Variants in ADAMTSL1 observed in about 807,000 individuals in gnomAD.
ADAMTSL1 encodes ADAMTS like 1.
ADAMTSL1 carries 126 observed loss-of-function variants against 201.8 expected under a neutral mutation model. The observed-to-expected ratio is 0.62, with a 90% CI of 0.54 to 0.72. The LOEUF is 0.72. Among genes scored for constraint, ADAMTSL1 ranks in the 30% least tolerant of loss-of-function variants. The probability of loss-of-function intolerance (pLI) is 0.00; values close to 1 mark genes in which losing one functional copy is unlikely to be tolerated. For synonymous variants in ADAMTSL1, 1,121 were observed against 903.4 expected, an observed-to-expected ratio of 1.24 and a Z score of -4.32; for missense variants, 2,679 against 2,277.8, an observed-to-expected ratio of 1.18 and a Z score of -3.59.
chr9:18,483,687 C>G (rs975762444), intron 1 of ADAMTSL1, among the ~76,000 whole-genome samples: 1 of 152,042 alleles, frequency 6.6e-6, no homozygotes, highest in African/African-American at 2.4e-5. Context: ...ATTACCCGGG[C>G]ATGGTGGCGG....
chr9:18,325,473 A>AG (rs891546908), intron 2 of ADAMTSL1, among the ~76,000 whole-genome samples: 2 of 152,224 alleles, frequency 1.3e-5, no homozygotes, highest in African/African-American at 4.8e-5. Flanking sequence ...TGTTGAGTGA[A>AG]AGAAGTCAGA....
chr9:18,653,278 T>A (rs2132938967), intron 7 of ADAMTSL1, among the ~76,000 whole-genome samples: 1 of 152,308 alleles, frequency 6.6e-6, no homozygotes, highest in South Asian at 2.1e-4. Context: ...GCTCTGGTCA[T>A]TGGTTTCCTG....
At position 18,333,322 on chromosome 9, in the gene ADAMTSL1, G is replaced by A. The variant is rs563993865; in HGVS notation, c.207+169341G>A. On this transcript the variant is annotated intron_variant, in intron 2 of 29. Coordinates refer to the ADAMTSL1 transcript ENST00000680146. ...CCCCATGCTGTTCTCATGATAGTGA[G>A]TTCTCAAGGTATCTGATGGTGTCAT... is the stretch of plus-strand genomic sequence containing the variant. 3.9e-5 allele frequency among the ~76,000 whole-genome samples: 6 copies of A among 152,208 alleles called. No homozygotes were observed. The South Asian group carries it at 1.2e-3, about 32-fold the overall frequency.
At chr9:17,914,025 A>T (rs1251299322) in intron 1 of ADAMTSL1, among the ~76,000 whole-genome samples, 2 of 152,228 alleles carry the variant, frequency 1.3e-5, no homozygotes, top group African/African-American at 4.8e-5. Context: ...TGTGGCAATA[A>T]TCAATAGCTT....
intron 4 of ADAMTSL1, among the ~76,000 whole-genome samples, chr9:18,590,951 T>C (rs767938719): frequency 2.0e-5 from 3 of 152,184 alleles, no homozygotes; most frequent in Non-Finnish European, 4.4e-5. Flanking sequence ...TCCTAATATA[T>C]GGCTTATTCT....
At chr9:18,612,205 C>T (rs1825421795) in intron 4 of ADAMTSL1, among the ~76,000 whole-genome samples, 1 of 152,186 alleles carries the variant, frequency 6.6e-6, no homozygotes, top group Non-Finnish European at 1.5e-5. Context: ...AGAGACATAG[C>T]AGGCAAGGTG....
intron 1 of ADAMTSL1, among the ~76,000 whole-genome samples, chr9:18,147,379 T>A (rs1012255927): frequency 2.0e-5 from 3 of 151,994 alleles, no homozygotes; most frequent in Non-Finnish European, 4.4e-5. Context: ...AAGAAAGACG[T>A]TGGTAGGTGG....
chr9:17,929,222 G>C (rs1485283556), intron 1 of ADAMTSL1, among the ~76,000 whole-genome samples: 1 of 151,992 alleles, frequency 6.6e-6, no homozygotes, highest in Non-Finnish European at 1.5e-5. Flanking sequence ...CTGCTTAAAG[G>C]CTTCAGTGAT....
At chr9:18,230,419 A>G (rs1305592425) in intron 2 of ADAMTSL1, among the ~76,000 whole-genome samples, 2 of 152,288 alleles carry the variant, frequency 1.3e-5, no homozygotes, top group South Asian at 2.1e-4. Flanking sequence ...TGGGCTGAAG[A>G]GCAATGTGAG....
chr9:18,112,674 G>A (rs919538917), intron 1 of ADAMTSL1, among the ~76,000 whole-genome samples: 1 of 152,100 alleles, frequency 6.6e-6, no homozygotes, highest in Middle Eastern at 3.2e-3. Flanking sequence ...TGCATACATA[G>A]TAGTAGGAGA....
At chr9:18,151,873 T>TC (rs1563770330) in intron 1 of ADAMTSL1, among the ~76,000 whole-genome samples, 3 of 152,038 alleles carry the variant, frequency 2.0e-5, no homozygotes, top group African/African-American at 7.2e-5. Flanking sequence ...ATGTCCCATA[T>TC]CCCCTTGCCA....
intron 4 of ADAMTSL1, among the ~76,000 whole-genome samples, chr9:18,608,522 GC>G (rs1825171654): frequency 6.6e-6 from 1 of 152,098 alleles, no homozygotes; most frequent in Non-Finnish European, 1.5e-5. Flanking sequence ...TCATCTCAGC[GC>G]CTTTGAGTGA....
intron 3 of ADAMTSL1, 43 bp downstream of exon 3, chr9:18,533,335 G>C (rs1159851477): frequency 6.4e-7 from 1 of 1,557,660 alleles, no homozygotes; most frequent in Admixed American, 1.8e-5. Flanking sequence ...ATTTTTGTTA[G>C]CACTGAATGG....
Position 18,031,089 on chromosome 9 carries a change from G to A in ADAMTSL1, c.87+124167G>A, listed in dbSNP as rs1219872378. On this transcript the variant is annotated intron_variant, in intron 1 of 29. Transcript: ENST00000680146. Reference sequence around the variant, plus strand: ...TTGTTTTACTTGTTTCCTTGGATTAGATTTCATTTTTTTCTTGAATTTTGT... The same window carrying A: ...TTGTTTTACTTGTTTCCTTGGATTAAATTTCATTTTTTTCTTGAATTTTGT... Among the ~76,000 whole-genome samples, 5 of 152,192 alleles carry A rather than the reference G, an allele frequency of 3.3e-5. No homozygotes were observed. The South Asian group carries it at 1.0e-3, about 32-fold the overall frequency.
chr9:18,067,137 T>TA (rs572403939), intron 1 of ADAMTSL1, among the ~76,000 whole-genome samples: 111 of 151,480 alleles, frequency 7.3e-4, no homozygotes, highest in Middle Eastern at 3.4e-3. Context: ...TAAAGTATAA[T>TA]AAAAAAAAAT....
chr9:18,312,591 C>T (rs748760071), intron 2 of ADAMTSL1, among the ~76,000 whole-genome samples: 52 of 152,136 alleles, frequency 3.4e-4, no homozygotes, highest in Non-Finnish European at 6.6e-4. Flanking sequence ...CCAAGACGTT[C>T]CCACTGGGTA....
intron 1 of ADAMTSL1, among the ~76,000 whole-genome samples, chr9:18,054,509 G>C (rs575166505): frequency 6.6e-6 from 1 of 152,182 alleles, no homozygotes; most frequent in Non-Finnish European, 1.5e-5. Flanking sequence ...ATGTGTGTTG[G>C]AGTGGTACTA....
chr9:18,040,903 C>G (rs1395429048), intron 1 of ADAMTSL1, among the ~76,000 whole-genome samples: 1 of 151,988 alleles, frequency 6.6e-6, no homozygotes, highest in Non-Finnish European at 1.5e-5. Context: ...TGTTAACAAT[C>G]TGAAAAAAAT....
chr9:18,531,041 A>C (rs891246118), intron 2 of ADAMTSL1, among the ~76,000 whole-genome samples: 1 of 152,220 alleles, frequency 6.6e-6, no homozygotes, highest in African/African-American at 2.4e-5. Flanking sequence ...ATATTGTTGG[A>C]GTCAGAAACC....
Sources: gnomAD v4.1 joint callset for allele counts (sites outside exome capture counted in the v4.1 genomes callset) on GRCh38, gnomAD v4.1.1 for gene constraint, MANE v1.5 for transcripts, NCBI Gene and HGNC (gene_info 2026-07-23, HGNC 2026-07-21) for gene names.